SAXO1: variants seen among roughly 807,000 people sequenced by gnomAD.
The protein encoded by SAXO1 is stabilizer of axonemal microtubules 1.
In SAXO1, 21 loss-of-function variants were observed where a neutral mutation model predicts 17.5. The ratio of observed to expected loss-of-function variants is 1.20; its 90% CI spans 0.85 to 1.72. The LOEUF (loss-of-function observed/expected upper bound fraction) is 1.72, where lower values mean the gene tolerates loss of function less well. Ranked by LOEUF, SAXO1 falls within the 40% of genes most tolerant of loss-of-function variation. The probability of loss-of-function intolerance (pLI) is 0.00; values close to 1 mark genes in which losing one functional copy is unlikely to be tolerated. For synonymous variants in SAXO1, 274 were observed against 216.5 expected (o/e 1.27, Z -2.33); for missense variants, 843 against 596.0 (o/e 1.41, Z -4.32).
At chr9:19,011,424 A>C (rs1227206345) in intron 1 of SAXO1, among the ~76,000 whole-genome samples, 1 of 152,010 alleles carries the variant, frequency 6.6e-6, no homozygotes, top group Non-Finnish European at 1.5e-5. Context: ...CATGGCTGAA[A>C]GAGACACGCC....
intron 3 of SAXO1, among the ~76,000 whole-genome samples, chr9:18,938,837 T>TGTGTATGTGTGC (rs1831423028): frequency 6.6e-6 from 1 of 150,860 alleles, no homozygotes; most frequent in Non-Finnish European, 1.5e-5. Flanking sequence ...TGTGTGTGTG[T>TGTGTATGTGTGC]GTGTGTGTGT....
intron 1 of SAXO1, among the ~76,000 whole-genome samples, chr9:18,955,055 G>T (rs1351641430): frequency 2.0e-5 from 3 of 152,116 alleles, no homozygotes; most frequent in Admixed American, 6.5e-5. Flanking sequence ...AAAAAAGCCA[G>T]GCATAGTGGC....
At chr9:19,009,945 G>A (rs1175050019) in intron 1 of SAXO1, among the ~76,000 whole-genome samples, 3 of 151,458 alleles carry the variant, frequency 2.0e-5, no homozygotes, top group African/African-American at 7.3e-5. Context: ...TTCCACCTCA[G>A]CTTCCCAGGT....
chr9:18,996,166 G>A (rs1384541384), intron 1 of SAXO1, among the ~76,000 whole-genome samples: 1 of 151,818 alleles, frequency 6.6e-6, no homozygotes. Flanking sequence ...CCCCAAATAA[G>A]TATCATCCAT....
intron 1 of SAXO1, among the ~76,000 whole-genome samples, chr9:18,977,021 C>G (rs1242315369): frequency 6.6e-6 from 1 of 152,150 alleles, no homozygotes; most frequent in Non-Finnish European, 1.5e-5. Flanking sequence ...TGGATTATAG[C>G]TCAGTATTTA....
At chr9:18,944,597 T>G (rs1588419632) in intron 2 of SAXO1, among the ~76,000 whole-genome samples, 1 of 152,196 alleles carries the variant, frequency 6.6e-6, no homozygotes, top group Non-Finnish European at 1.5e-5. Flanking sequence ...TAAGTTTCTT[T>G]TAGGTAAGTA....
chr9:19,020,913 A>T (rs889863616), intron 1 of SAXO1, among the ~76,000 whole-genome samples: 3 of 152,210 alleles, frequency 2.0e-5, no homozygotes, highest in African/African-American at 7.2e-5. Context: ...TTGTTCAATG[A>T]CCTGGGAATC....
rs1468770197 is a variant in SAXO1 at position 19,045,004 on chromosome 9, A to C, written c.-158+4205T>G. Reference sequence around the variant, plus strand: ...GCACTAAAAAGGAGGGATTGTTTGAAGAGCTCTTTAAGATGCAATTAGACG... The same window carrying C: ...GCACTAAAAAGGAGGGATTGTTTGACGAGCTCTTTAAGATGCAATTAGACG... On this transcript the variant is annotated intron_variant, in intron 1 of 3. Transcript: ENST00000542071. Among the ~76,000 whole-genome samples, 3 of 151,680 alleles carry C rather than the reference A, an allele frequency of 2.0e-5. No individual in the cohort carries two copies. In the East Asian group the frequency reaches 5.9e-4, roughly 30 times the overall value.
intron 1 of SAXO1, among the ~76,000 whole-genome samples, chr9:18,987,708 G>T (rs904335730): frequency 2.0e-5 from 3 of 152,050 alleles, no homozygotes; most frequent in Non-Finnish European, 2.9e-5. Context: ...AGGCCAGCCT[G>T]GGCAACAGAG....
chr9:18,942,186 C>T (rs1230370533), intron 2 of SAXO1, among the ~76,000 whole-genome samples: 1 of 152,224 alleles, frequency 6.6e-6, no homozygotes, highest in Non-Finnish European at 1.5e-5. Context: ...CTCCTTCATT[C>T]CTACCACTTC....
At chr9:19,037,279 A>C (rs888775428), upstream of SAXO1, among the ~76,000 whole-genome samples, 9 of 152,204 alleles carry the variant, frequency 5.9e-5, no homozygotes, top group African/African-American at 7.2e-5. Flanking sequence ...AAATGACTTA[A>C]GACTTTGGAG....
intron 1 of SAXO1, among the ~76,000 whole-genome samples, chr9:18,962,438 C>T (rs577189682): frequency 8.7e-4 from 133 of 152,310 alleles, no homozygotes; most frequent in African/African-American, 2.9e-3. Context: ...TGGCCGCATA[C>T]ATGTCTTCTT....
At chr9:18,960,754 C>A (rs770557876) in intron 1 of SAXO1, among the ~76,000 whole-genome samples, 4 of 151,834 alleles carry the variant, frequency 2.6e-5, no homozygotes, top group African/African-American at 9.7e-5. Context: ...GCACTCCAGC[C>A]AGGACAACAG....
At position 18,928,450 on chromosome 9, in the gene SAXO1, C is replaced by A. The variant is rs749856511; in HGVS notation, c.1027G>T (p.Asp343Tyr). Residue 343 changes from aspartate to tyrosine, a missense_variant, in exon 4 of 4, where the codon GAC (aspartate) becomes TAC (tyrosine). Transcript: ENST00000380534. Reference protein sequence around the residue: ...RFEGSSTTKDDYKQWSSMRTE... With the variant: ...RFEGSSTTKDYYKQWSSMRTE... The stretch of plus-strand genomic sequence containing the variant: ...CGCATGCTGGACCACTGCTTGTAGT[C>A]ATCCTTGGTGGTGGAAGAGCCTTCA... 18 of 1,610,050 alleles carry A rather than the reference C, an allele frequency of 1.1e-5. No individual in the cohort carries two copies. Among genetic ancestry groups the A allele is most frequent in the African/African-American group, 5.4e-5 (4 of 74,766 alleles).
chr9:18,978,545 G>A (rs2131813863), intron 1 of SAXO1, among the ~76,000 whole-genome samples: 1 of 152,320 alleles, frequency 6.6e-6, no homozygotes, highest in Non-Finnish European at 1.5e-5. Flanking sequence ...AAGAGCCATT[G>A]TGCAAGGTGA....
chr9:19,035,779 G>C (rs1835919230), upstream of SAXO1, among the ~76,000 whole-genome samples: 1 of 152,152 alleles, frequency 6.6e-6, no homozygotes, highest in Non-Finnish European at 1.5e-5. Flanking sequence ...AAAGAGACTG[G>C]TGGCATTTTG....
chr9:18,935,057 G>T (rs1032629343), intron 3 of SAXO1, among the ~76,000 whole-genome samples: 1 of 151,902 alleles, frequency 6.6e-6, no homozygotes, highest in African/African-American at 2.4e-5. Flanking sequence ...CCTCCTGAGT[G>T]GCTGGGATTA....
intron 1 of SAXO1, among the ~76,000 whole-genome samples, chr9:18,997,898 C>T (rs183739931): frequency 2.6e-5 from 4 of 152,248 alleles, no homozygotes; most frequent in Admixed American, 1.3e-4. Flanking sequence ...AGAAGGAAAA[C>T]CAACAGAAAG....
Position 18,941,821 on chromosome 9 carries a change from G to C in SAXO1, c.237C>G (p.His79Gln). The C allele has an allele frequency of 6.2e-7, 1 of 1,614,162 alleles. No individual in the cohort carries two copies. The highest frequency in any genetic ancestry group is 1.7e-5 in the Admixed American group (1 of 60,010). Residue 79 changes from histidine to glutamine, a missense_variant, in exon 3 of 4, where the codon CAC (histidine) becomes CAG (glutamine). By Grantham distance (24) the His-to-Gln change is conservative. Transcript: ENST00000380534. ...GGTGGACCTTCACTGGTGCCACTTT[G>C]TGAGGCCCAAAATCTCTCCTGTAAG... is the stretch of plus-strand genomic sequence containing the variant. ...LTTSRRDFGP[H>Q]KVAPVKVHQY...
Sources: allele counts gnomAD v4.1 joint callset (sites outside exome capture counted in the v4.1 genomes callset), GRCh38; gene constraint gnomAD v4.1.1; transcripts MANE v1.5; gene names NCBI Gene and HGNC (gene_info 2026-07-23, HGNC 2026-07-21).